CNTN5: variants seen among roughly 807,000 people sequenced by gnomAD.
The protein encoded by CNTN5 is contactin-5.
In CNTN5, 77 loss-of-function variants were observed where a neutral mutation model predicts 129.1. The observed-to-expected ratio is 0.60, with a 90% confidence interval of 0.50 to 0.72. CNTN5 has a LOEUF of 0.72. Ranked by LOEUF, CNTN5 falls within the 30% of genes least tolerant of loss-of-function variation. CNTN5 has a pLI of 0.00. For synonymous variants in CNTN5, 509 were observed against 465.6 expected (o/e 1.09, Z -1.20); for missense variants, 1,478 against 1,328.8 (o/e 1.11, Z -1.75).
At chr11:99,482,282 A>G (rs1945631297) in intron 2 of CNTN5, among the ~76,000 whole-genome samples, 1 of 152,196 alleles carries the variant, frequency 6.6e-6, no homozygotes, top group Non-Finnish European at 1.5e-5. Flanking sequence ...TTATTTTCCC[A>G]TAGACAAGAT....
chr11:100,353,080 A>C (rs1396584361), intron 24 of CNTN5, among the ~76,000 whole-genome samples: 1 of 151,726 alleles, frequency 6.6e-6, no homozygotes, highest in Non-Finnish European at 1.5e-5. Flanking sequence ...TTATCTGAAT[A>C]AGATCAGCCT....
At chr11:99,849,475 A>C (rs1947806345) in intron 6 of CNTN5, among the ~76,000 whole-genome samples, 1 of 151,988 alleles carries the variant, frequency 6.6e-6, no homozygotes, top group African/African-American at 2.4e-5. Flanking sequence ...TCCACTAATA[A>C]CAGCTTGCCT....
At chr11:99,591,679 G>C (rs1205180127) in intron 3 of CNTN5, among the ~76,000 whole-genome samples, 2 of 152,082 alleles carry the variant, frequency 1.3e-5, no homozygotes, top group African/African-American at 4.8e-5. Context: ...TGCGGGAAGA[G>C]AGATAACGAG....
At chr11:99,711,187 G>C (rs1366489522) in intron 3 of CNTN5, among the ~76,000 whole-genome samples, 1 of 151,792 alleles carries the variant, frequency 6.6e-6, no homozygotes, top group Non-Finnish European at 1.5e-5. Context: ...ATAAACTTTT[G>C]TGTAGAAAGG....
At chr11:99,348,491 G>A (rs1466695430) in intron 2 of CNTN5, among the ~76,000 whole-genome samples, 1 of 152,124 alleles carries the variant, frequency 6.6e-6, no homozygotes, top group Non-Finnish European at 1.5e-5. Context: ...GTTAAGTTCG[G>A]TAATCTGGAT....
rs111968887 is a variant in CNTN5 at position 99,139,529 on chromosome 11, G to A, written c.-210+118259G>A. Among the ~76,000 whole-genome samples, 1,286 of 152,232 alleles carry A rather than the reference G, an allele frequency of 8.4e-3. 21 individuals carry two copies. Among genetic ancestry groups the A allele is most frequent in the African/African-American group, 0.029 (1,192 of 41,528 alleles). On this transcript the variant is annotated intron_variant, in intron 1 of 24. Transcript: ENST00000524871. ...AAATCAGTTAGTAGAGACCCGAGCC[G>A]TTCATTAAACATTAGTTAAAGAGCA... is the stretch of plus-strand genomic sequence containing the variant.
At chr11:100,028,158 A>T (rs1231874397) in intron 9 of CNTN5, among the ~76,000 whole-genome samples, 1 of 152,206 alleles carries the variant, frequency 6.6e-6, no homozygotes, top group Non-Finnish European at 1.5e-5. Flanking sequence ...AGAAACAGTA[A>T]AAAGCTACAG....
chr11:100,144,214 T>A (rs1318087093), intron 13 of CNTN5, among the ~76,000 whole-genome samples: 1 of 152,096 alleles, frequency 6.6e-6, no homozygotes, highest in Non-Finnish European at 1.5e-5. Flanking sequence ...TAAACAAGTT[T>A]TTTTATTTTA....
intron 6 of CNTN5, among the ~76,000 whole-genome samples, chr11:99,873,051 T>C (rs1266760174): frequency 6.6e-6 from 1 of 150,416 alleles, no homozygotes; most frequent in Non-Finnish European, 1.5e-5. Context: ...ACAACAATTT[T>C]TATTTTTTAA....
At chr11:100,054,950 A>G (rs1024748527) in intron 9 of CNTN5, among the ~76,000 whole-genome samples, 2 of 48,862 alleles carry the variant, frequency 4.1e-5, no homozygotes, top group Non-Finnish European at 6.5e-5. Context: ...AAACTGCCCA[A>G]CAAAAGAGTA....
rs550375023 is a variant in CNTN5, at chr11:99,668,650, T to A, written c.55+112381T>A. Reference sequence around the variant, plus strand: ...GGTTTTCATATAACCATTATCTGTCTGGGAGCAGTGGCTCATGCCTGTAAT... The same window carrying A: ...GGTTTTCATATAACCATTATCTGTCAGGGAGCAGTGGCTCATGCCTGTAAT... On this transcript the variant is annotated intron_variant, in intron 3 of 24. Coordinates refer to ENST00000524871, the MANE Select transcript of CNTN5 (RefSeq NM_014361.4). Among the ~76,000 whole-genome samples, 32 of 152,270 alleles carry A rather than the reference T, an allele frequency of 2.1e-4. 1 individual carries two copies. The Middle Eastern group carries it at 0.017, about 81-fold the overall frequency.
At chr11:100,181,411 C>T (rs909746464) in intron 13 of CNTN5, among the ~76,000 whole-genome samples, 7 of 151,476 alleles carry the variant, frequency 4.6e-5, no homozygotes, top group Admixed American at 2.0e-4. Flanking sequence ...AATTAGGAAG[C>T]GAATGGTGGT....
chr11:99,409,866 G>A (rs963032320), intron 2 of CNTN5, among the ~76,000 whole-genome samples: 1 of 149,640 alleles, frequency 6.7e-6, no homozygotes, highest in Non-Finnish European at 1.5e-5. Context: ...ATGTGATATT[G>A]GGAAAGGAAA....
At chr11:99,990,888 T>C (rs1190252408) in intron 8 of CNTN5, among the ~76,000 whole-genome samples, 1 of 152,206 alleles carries the variant, frequency 6.6e-6, no homozygotes, top group Non-Finnish European at 1.5e-5. Flanking sequence ...ACATCAGCTC[T>C]CTCATTATGT....
chr11:100,146,052 T>C (rs1946842422), intron 13 of CNTN5, among the ~76,000 whole-genome samples: 1 of 152,188 alleles, frequency 6.6e-6, no homozygotes. Context: ...AAGCGAGACA[T>C]TCCCTTTAGC....
intron 2 of CNTN5, among the ~76,000 whole-genome samples, chr11:99,372,538 T>C (rs1427667405): frequency 6.6e-6 from 1 of 152,100 alleles, no homozygotes; most frequent in East Asian, 1.9e-4. Context: ...GGGGAAAATC[T>C]GGGATAATTC....
At chr11:99,115,040 G>A (rs1163603786) in intron 1 of CNTN5, among the ~76,000 whole-genome samples, 1 of 152,062 alleles carries the variant, frequency 6.6e-6, no homozygotes, top group African/African-American at 2.4e-5. Context: ...ACTGGAAAAG[G>A]GGTCTTTTTA....
At chr11:99,470,879 A>C (rs1183873731) in intron 2 of CNTN5, among the ~76,000 whole-genome samples, 1 of 152,050 alleles carries the variant, frequency 6.6e-6, no homozygotes, top group Non-Finnish European at 1.5e-5. Flanking sequence ...ACATACTTTC[A>C]CAAGTATAGA....
chr11:99,851,111 G>GT (rs1294097071), intron 6 of CNTN5, among the ~76,000 whole-genome samples: 2 of 144,428 alleles, frequency 1.4e-5, no homozygotes, highest in Non-Finnish European at 3.0e-5. Flanking sequence ...GGGCTTAAAT[G>GT]TCTACCCATG....
Sources: gnomAD v4.1 joint callset for allele counts (sites outside exome capture counted in the v4.1 genomes callset) on GRCh38, gnomAD v4.1.1 for gene constraint, MANE v1.5 for transcripts, NCBI Gene and HGNC (gene_info 2026-07-23, HGNC 2026-07-21) for gene names.